Variants in GRID1 observed in about 807,000 individuals in gnomAD.
GRID1 encodes the protein glutamate receptor ionotropic, delta-1.
In GRID1, 28 loss-of-function variants were observed where a neutral mutation model predicts 98.0. That is an observed-to-expected ratio of 0.29 (90% confidence interval 0.21 to 0.39). GRID1 has a LOEUF of 0.39. GRID1 is among the 10% of genes least tolerant of loss of function. The pLI, the probability that GRID1 is intolerant of heterozygous loss-of-function variation, is 1.00. For synonymous variants in GRID1, 553 were observed against 538.5 expected, an observed-to-expected ratio of 1.03 and a Z score of -0.37; for missense variants, 1,111 against 1,340.5, an observed-to-expected ratio of 0.83 and a Z score of 2.67.
chr10:85,860,117 G>A (rs1348910628), intron 6 of GRID1, among the ~76,000 whole-genome samples: 2 of 152,182 alleles, frequency 1.3e-5, no homozygotes, highest in Non-Finnish European at 2.9e-5. Context: ...TGGAGTCACA[G>A]GCCACAGGTG....
At chr10:85,724,061 G>A (rs1166599542) in intron 11 of GRID1, among the ~76,000 whole-genome samples, 1 of 152,120 alleles carries the variant, frequency 6.6e-6, no homozygotes, top group Non-Finnish European at 1.5e-5. Flanking sequence ...CATGTGCATA[G>A]CAATCACTTT....
At chr10:85,745,812 T>C (rs1841991397) in intron 8 of GRID1, among the ~76,000 whole-genome samples, 1 of 151,914 alleles carries the variant, frequency 6.6e-6, no homozygotes, top group African/African-American at 2.4e-5. Flanking sequence ...AGAGAGACAT[T>C]TAGATCCCTG....
chr10:85,916,139 T>C lies in GRID1; in HGVS notation c.780+47A>G. 7.3e-7 allele frequency: 1 copy of C among 1,373,960 alleles called. No individual in the cohort carries two copies. The highest frequency in any genetic ancestry group is 1.8e-4 in the Middle Eastern group (1 of 5,644). The allele number at this position is 1,373,960 out of a possible 1,614,324, so 85.1% of individuals were successfully genotyped here. A position where few individuals can be genotyped will look rare whatever the true frequency, so the allele number is the denominator to read the frequency against. ...AATCACACTGAGCTTTACAAGGGGCTAGGGGCTCAGTCCAGGCCGTGCTCA... is the reference window on the plus strand; with the variant it reads ...AATCACACTGAGCTTTACAAGGGGCCAGGGGCTCAGTCCAGGCCGTGCTCA... On this transcript the variant is annotated intron_variant, in intron 5 of 15. Coordinates refer to ENST00000327946, the MANE Select transcript of GRID1 (RefSeq NM_017551.3). This position sits in a 1 kb window ranked among gnomAD's most constrained non-coding sequence, Gnocchi z 4.0.
intron 8 of GRID1, among the ~76,000 whole-genome samples, chr10:85,746,497 T>A (rs76728465): frequency 0.033 from 4,986 of 152,314 alleles, 123 homozygotes; most frequent in Middle Eastern, 0.048. Flanking sequence ...TTTCTAATTG[T>A]TGTGGAGGTG....
At chr10:85,687,577 C>T (rs1419623432) in intron 12 of GRID1, among the ~76,000 whole-genome samples, 1 of 151,884 alleles carries the variant, frequency 6.6e-6, no homozygotes, top group Non-Finnish European at 1.5e-5. Flanking sequence ...CTGCAATGAG[C>T]TAAGATGGCG....
intron 8 of GRID1, among the ~76,000 whole-genome samples, chr10:85,820,617 G>A (rs1276443601): frequency 6.6e-6 from 1 of 152,072 alleles, no homozygotes; most frequent in Non-Finnish European, 1.5e-5. Context: ...AAAAATAAAG[G>A]AATTTGAGGG....
chr10:85,969,380 G>A (rs1231926079), intron 4 of GRID1, among the ~76,000 whole-genome samples: 1 of 152,112 alleles, frequency 6.6e-6, no homozygotes, highest in African/African-American at 2.4e-5. Flanking sequence ...TCAACAAGAG[G>A]AGAATTCTTC....
chr10:86,353,537 C>T (rs1313494995), intron 2 of GRID1, among the ~76,000 whole-genome samples: 1 of 150,732 alleles, frequency 6.6e-6, no homozygotes, highest in Non-Finnish European at 1.5e-5. Flanking sequence ...CATGTTCCTC[C>T]CGTTCCAGCA....
chr10:85,970,168 G>C (rs1474023317), intron 4 of GRID1, among the ~76,000 whole-genome samples: 1 of 151,940 alleles, frequency 6.6e-6, no homozygotes, highest in Non-Finnish European at 1.5e-5. Flanking sequence ...AAATTGAATT[G>C]GTAATTTTAA....
chr10:85,689,302 G>A (rs1841306873), intron 12 of GRID1, among the ~76,000 whole-genome samples: 1 of 152,136 alleles, frequency 6.6e-6, no homozygotes, highest in South Asian at 2.1e-4. Flanking sequence ...ATGTAAATGG[G>A]AATGGTTAAT....
chr10:86,165,311 C>A (rs977448298), intron 3 of GRID1, among the ~76,000 whole-genome samples: 4 of 152,324 alleles, frequency 2.6e-5, no homozygotes, highest in African/African-American at 4.8e-5. Context: ...AAAGCATCTG[C>A]AAGTTTCTAT....
chr10:85,813,160 C>A (rs900946594), intron 8 of GRID1, among the ~76,000 whole-genome samples: 1 of 151,130 alleles, frequency 6.6e-6, no homozygotes, highest in Non-Finnish European at 1.5e-5. Context: ...CATTTTCATG[C>A]AAAAATATTT....
At position 85,740,939 on chromosome 10, in the gene GRID1, T is replaced by C. The variant is rs193028782; in HGVS notation, c.1234-11325A>G. Among the ~76,000 whole-genome samples, 160 of 151,990 alleles carry C rather than the reference T, an allele frequency of 1.1e-3. 1 individual carries two copies. The highest frequency in any genetic ancestry group is 7.1e-3 in the South Asian group (34 of 4,808). On this transcript the variant is annotated intron_variant, in intron 8 of 15. Transcript: ENST00000327946. ...GCTAATTTTTGTATATTTTTAGTAG[T>C]GACTGCGTTTCACCATGTTAACCAG...
rs368297811 is a variant in GRID1 at position 86,050,347 on chromosome 10, T to C, written c.726+88472A>G. On this transcript the variant is annotated intron_variant, in intron 4 of 15. Transcript: ENST00000327946. ...TAGTGTTTAGTATTAAATTAATAAA[T>C]AATTTTACACATTTTAAACATTTAT... 4.6e-5 allele frequency among the ~76,000 whole-genome samples: 7 copies of C among 152,252 alleles called. No individual in the cohort carries two copies. In the East Asian group the frequency reaches 9.6e-4, roughly 21 times the overall value.
intron 12 of GRID1, among the ~76,000 whole-genome samples, chr10:85,681,513 T>A (rs1374404539): frequency 2.0e-5 from 3 of 152,094 alleles, no homozygotes; most frequent in African/African-American, 7.2e-5. Flanking sequence ...CTTCTCTTCT[T>A]TCCCACGACC....
chr10:86,315,249 T>A (rs1234262329), intron 2 of GRID1, among the ~76,000 whole-genome samples: 1 of 152,146 alleles, frequency 6.6e-6, no homozygotes, highest in Non-Finnish European at 1.5e-5. Flanking sequence ...CCCATTTTCC[T>A]CAGCCTTTGT....
At chr10:85,759,821 A>C (rs1490892944) in intron 8 of GRID1, among the ~76,000 whole-genome samples, 3 of 152,240 alleles carry the variant, frequency 2.0e-5, no homozygotes, top group Admixed American at 6.5e-5. Flanking sequence ...CCCAGGCTTG[A>C]TACTGCATTG....
At chr10:86,266,412 C>T (rs779468287) in intron 2 of GRID1, among the ~76,000 whole-genome samples, 10 of 152,210 alleles carry the variant, frequency 6.6e-5, no homozygotes, top group Non-Finnish European at 1.2e-4. Context: ...ACATCTGACC[C>T]CCAAATACAC....
intron 12 of GRID1, among the ~76,000 whole-genome samples, chr10:85,683,437 A>G (rs1841233563): frequency 6.6e-6 from 1 of 152,242 alleles, no homozygotes; most frequent in South Asian, 2.1e-4. Flanking sequence ...ATACTGTTTT[A>G]GAGCTCTTAG....
Sources: gnomAD v4.1 joint callset for allele counts (sites outside exome capture counted in the v4.1 genomes callset) on GRCh38, gnomAD v4.1.1 for gene constraint, Gnocchi (gnomAD v3.1) non-coding constraint, MANE v1.5 for transcripts, NCBI Gene and HGNC (gene_info 2026-07-23, HGNC 2026-07-21) for gene names.